Variants in LRP5 observed in about 807,000 individuals in gnomAD.
LRP5 encodes the protein LDL receptor related protein 5.
LRP5 carries 62 observed loss-of-function variants against 154.1 expected under a neutral mutation model. That is an observed-to-expected ratio of 0.40 (90% CI 0.33 to 0.50). The LOEUF (loss-of-function observed/expected upper bound fraction) is 0.50, where lower values mean the gene tolerates loss of function less well. LRP5 is among the 20% of genes least tolerant of loss of function. The pLI, the probability that LRP5 is intolerant of heterozygous loss-of-function variation, is 0.55. For synonymous variants in LRP5, 966 were observed against 1,011.5 expected, an observed-to-expected ratio of 0.96 and a Z score of 0.85; for missense variants, 1,915 against 2,336.7, an observed-to-expected ratio of 0.82 and a Z score of 3.72.
intron 7 of LRP5, among the ~76,000 whole-genome samples, chr11:68,402,939 CG>C (rs1565079149): frequency 6.6e-6 from 1 of 152,114 alleles, no homozygotes. Context: ...CAGCTGGGGA[CG>C]TGGCATCCTA....
At chr11:68,409,668 GA>G (rs2098658298) in intron 9 of LRP5, among the ~76,000 whole-genome samples, 1 of 151,886 alleles carries the variant, frequency 6.6e-6, no homozygotes, top group Non-Finnish European at 1.5e-5. Flanking sequence ...CCAGCTTGGT[GA>G]AACCCCATCT....
chr11:68,373,627 A>G (rs1448894149), intron 5 of LRP5, among the ~76,000 whole-genome samples: 4 of 152,190 alleles, frequency 2.6e-5, no homozygotes, highest in Non-Finnish European at 4.4e-5. Flanking sequence ...TCTCATCCCC[A>G]GCAGTCGAGT....
chr11:68,345,097 A>G (rs916489587), intron 1 of LRP5, among the ~76,000 whole-genome samples: 1 of 151,698 alleles, frequency 6.6e-6, no homozygotes. Context: ...TCCTGACTTC[A>G]GGTGATCCAC....
chr11:68,446,525 A>G lies in LRP5; in HGVS notation c.4578A>G (p.Arg1526=), dbSNP rs747600102. 6.2e-7 allele frequency: 1 copy of G among 1,613,712 alleles called. No individual in the cohort carries two copies. Among genetic ancestry groups the G allele is most frequent in the South Asian group, 1.1e-5 (1 of 91,072 alleles). Residue 1526 remains arginine, a synonymous_variant, in exon 22 of 23, where the codon AGA becomes AGG. Transcript: ENST00000294304. ...FYSSNIPATA[R]PYRPYIIRGM... Reference sequence around the variant, plus strand: ...CTTCAAACATTCCGGCCACTGCGAGACCGTACAGGTAGGACATCCCCTGCA... The same window carrying G: ...CTTCAAACATTCCGGCCACTGCGAGGCCGTACAGGTAGGACATCCCCTGCA...
At chr11:68,382,684 G>A (rs1004228670) in intron 5 of LRP5, among the ~76,000 whole-genome samples, 1 of 152,198 alleles carries the variant, frequency 6.6e-6, no homozygotes, top group African/African-American at 2.4e-5. Flanking sequence ...AGTGAAAAAC[G>A]CACTTCCTGC....
Position 68,312,808 on chromosome 11 carries a change from A to G in LRP5, c.91+3A>G. 1.9e-6 allele frequency: 2 copies of G among 1,053,108 alleles called. No homozygotes were observed. Among genetic ancestry groups the G allele is most frequent in the Non-Finnish European group, 2.3e-6 (2 of 873,334 alleles). The allele number at this position is 1,053,108 out of a possible 1,614,324, so 65.2% of individuals were successfully genotyped here. On this transcript the variant is annotated splice_donor_region_variant and intron_variant, in intron 1 of 22. Coordinates refer to ENST00000294304, the MANE Select transcript of LRP5 (RefSeq NM_002335.4). ...CGGCTGCCCGGCCCCCGCCGCGGGT[A>G]GGTGGGCGCAGGCCGGCCGGGGGCC...
intron 1 of LRP5, among the ~76,000 whole-genome samples, chr11:68,336,315 C>T (rs919317282): frequency 6.6e-5 from 10 of 152,180 alleles, no homozygotes; most frequent in Non-Finnish European, 1.2e-4. Flanking sequence ...AATATTTGAA[C>T]GTCAAAATGT....
rs144892415 is a variant in LRP5 at position 68,424,592 on chromosome 11, G to C, written c.3237-510G>C. On this transcript the variant is annotated intron_variant, in intron 14 of 22. Transcript: ENST00000294304. ...CACCTGTTTCCCATGGCTGCTGTCAGAAATTACCAGAAGCCAGGTGGCTGA... is the reference window on the plus strand; with the variant it reads ...CACCTGTTTCCCATGGCTGCTGTCACAAATTACCAGAAGCCAGGTGGCTGA... 2.8e-4 allele frequency among the ~76,000 whole-genome samples: 43 copies of C among 152,370 alleles called. 1 individual carries two copies. Among genetic ancestry groups the C allele is most frequent in the African/African-American group, 1.0e-3 (42 of 41,596 alleles).
chr11:68,371,419 C>T (rs1330827755), intron 5 of LRP5, among the ~76,000 whole-genome samples: 1 of 152,236 alleles, frequency 6.6e-6, no homozygotes, highest in Non-Finnish European at 1.5e-5. Flanking sequence ...GCGCGGGCTT[C>T]AGACTTCACA....
At chr11:68,347,675 G>A (rs553733921) in intron 1 of LRP5, among the ~76,000 whole-genome samples, 172 bp from the exon 2 acceptor site, 13 of 152,328 alleles carry the variant, frequency 8.5e-5, no homozygotes, top group Middle Eastern at 6.8e-3. Flanking sequence ...GATGCGGGCC[G>A]GGGCTGCCCA....
At chr11:68,312,924 G>A in intron 1 of LRP5, 119 bp downstream of exon 1, 3 of 434,494 alleles carry the variant, frequency 6.9e-6, no homozygotes, top group Non-Finnish European at 9.2e-6. Flanking sequence ...AGTTGGGAGC[G>A]AGTTGGGGCG....
chr11:68,358,345 G>A (rs1162241132), intron 3 of LRP5, among the ~76,000 whole-genome samples: 1 of 152,134 alleles, frequency 6.6e-6, no homozygotes, highest in Non-Finnish European at 1.5e-5. Context: ...AAACTCCTAA[G>A]CTCAAGGGAT....
chr11:68,362,878 C>T (rs991267849), intron 3 of LRP5, among the ~76,000 whole-genome samples: 14 of 152,192 alleles, frequency 9.2e-5, no homozygotes, highest in African/African-American at 3.4e-4. Context: ...GGGGACGTGG[C>T]GGGGACCCTC....
rs201296711 is a variant in LRP5, at chr11:68,433,588, T to C, written c.3764-14T>C. ...CGGGGCTGCGTGTGATGTTCTCCTCTGTCCCTCCCCCAGAGCCGCCCACCT... is the reference window on the plus strand; with the variant it reads ...CGGGGCTGCGTGTGATGTTCTCCTCCGTCCCTCCCCCAGAGCCGCCCACCT... On this transcript the variant is annotated splice_polypyrimidine_tract_variant and intron_variant, in intron 17 of 22. Transcript: ENST00000294304. 8 of 1,607,126 alleles carry C rather than the reference T, an allele frequency of 5.0e-6. No homozygotes were observed. Among genetic ancestry groups the C allele is most frequent in the Middle Eastern group, 1.7e-4 (1 of 6,048 alleles).
At position 68,395,353 on chromosome 11, in the gene LRP5, G is replaced by C. The variant is rs539090355; in HGVS notation, c.1584+5301G>C. Among the ~76,000 whole-genome samples, 414 of 151,840 alleles carry C rather than the reference G, an allele frequency of 2.7e-3. 1 individual carries two copies. The highest frequency in any genetic ancestry group is 9.6e-3 in the African/African-American group (399 of 41,382). On this transcript the variant is annotated intron_variant, in intron 7 of 22. Coordinates refer to ENST00000294304, the MANE Select transcript of LRP5 (RefSeq NM_002335.4). The stretch of plus-strand genomic sequence containing the variant: ...ACCAACCGAGGAATTGAAGTGGGGG[G>C]GCGTCACAGTAGCAGAAGGGGGATC...
chr11:68,390,905 G>T (rs2098645937), intron 7 of LRP5, among the ~76,000 whole-genome samples: 1 of 152,258 alleles, frequency 6.6e-6, no homozygotes, highest in African/African-American at 2.4e-5. Flanking sequence ...GCGTGCTTTG[G>T]CAGCTTTTTG....
chr11:68,362,453 C>T (rs976364567), intron 3 of LRP5, among the ~76,000 whole-genome samples: 30 of 152,110 alleles, frequency 2.0e-4, no homozygotes, highest in Admixed American at 2.0e-4. Flanking sequence ...GAGGCCAAGG[C>T]GGGTGGATCG....
intron 2 of LRP5, among the ~76,000 whole-genome samples, chr11:68,355,974 T>G (rs1266086404): frequency 1.1e-4 from 16 of 151,746 alleles, no homozygotes; most frequent in African/African-American, 3.6e-4. Flanking sequence ...CGAGTAGCTG[T>G]GACTACAGGT....
Position 68,359,114 on chromosome 11 carries a change from C to T in LRP5, c.686+1267C>T, listed in dbSNP as rs528761090. On this transcript the variant is annotated intron_variant, in intron 3 of 22. Transcript: ENST00000294304. ...CAGCCCACAACTTAACAGCCTGAAACAGCAAACAGGTTTTTTATGGGGAGG... is the reference window on the plus strand; with the variant it reads ...CAGCCCACAACTTAACAGCCTGAAATAGCAAACAGGTTTTTTATGGGGAGG... 2.1e-4 allele frequency among the ~76,000 whole-genome samples: 32 copies of T among 152,342 alleles called. No homozygotes were observed. In the South Asian group the frequency reaches 3.7e-3, roughly 18 times the overall value.
Sources: allele counts gnomAD v4.1 joint callset (sites outside exome capture counted in the v4.1 genomes callset), GRCh38; gene constraint gnomAD v4.1.1; transcripts MANE v1.5; gene names NCBI Gene and HGNC (gene_info 2026-07-23, HGNC 2026-07-21).